MCUB: variants seen among roughly 807,000 people sequenced by gnomAD.
The protein encoded by MCUB is calcium uniporter regulatory subunit MCUb, mitochondrial.
MCUB carries 46 observed loss-of-function variants against 41.4 expected under a neutral mutation model. The observed-to-expected ratio is 1.11, with a 90% CI of 0.88 to 1.42. The LOEUF (loss-of-function observed/expected upper bound fraction) is 1.42. Among genes scored for constraint, MCUB ranks in the 40% most tolerant of loss-of-function variants. The probability of loss-of-function intolerance (pLI) is 0.00; values close to 1 mark genes in which losing one functional copy is unlikely to be tolerated. For missense variants in MCUB, 403 were observed against 404.9 expected (o/e 1.00, Z 0.04); for synonymous variants, 148 against 148.2 (o/e 1.00, Z 0.01).
At chr4:109,573,904 G>A (rs951601485) in intron 1 of MCUB, among the ~76,000 whole-genome samples, 53 of 129,358 alleles carry the variant, frequency 4.1e-4, no homozygotes, top group Non-Finnish European at 6.2e-4. Context: ...ACAGAGTTTC[G>A]CTCTGTTGCT....
At chr4:109,684,690 A>G (rs758565810) in intron 6 of MCUB, 44 bp downstream of exon 6, 1 of 923,582 alleles carries the variant, frequency 1.1e-6, no homozygotes. Context: ...ACATCTTTGC[A>G]AAGAATGTCT....
chr4:109,633,243 T>C (rs1351372604), intron 1 of MCUB, among the ~76,000 whole-genome samples: 1 of 152,182 alleles, frequency 6.6e-6, no homozygotes, highest in Non-Finnish European at 1.5e-5. Context: ...TGTATTTGGA[T>C]AGAACATAAT....
chr4:109,617,072 C>T (rs1728142044), intron 1 of MCUB, among the ~76,000 whole-genome samples: 1 of 152,190 alleles, frequency 6.6e-6, no homozygotes, highest in African/African-American at 2.4e-5. Context: ...TGTGATCTCT[C>T]TGCTTTGTAA....
At chr4:109,617,752 TAC>T (rs1248443085) in intron 1 of MCUB, among the ~76,000 whole-genome samples, 1 of 152,234 alleles carries the variant, frequency 6.6e-6, no homozygotes, top group African/African-American at 2.4e-5. Context: ...TAAATAATGT[TAC>T]AGTTAACATC....
chr4:109,635,508 A>G (rs909356813), intron 1 of MCUB, among the ~76,000 whole-genome samples: 3 of 152,204 alleles, frequency 2.0e-5, no homozygotes, highest in Non-Finnish European at 4.4e-5. Flanking sequence ...AGGCTAGGGT[A>G]GGAGGGCCAG....
intron 4 of MCUB, among the ~76,000 whole-genome samples, chr4:109,669,745 G>A (rs1368181092): frequency 6.7e-6 from 1 of 149,574 alleles, no homozygotes; most frequent in Non-Finnish European, 1.5e-5. Context: ...AGTTTTGAAA[G>A]TTTCTAATGA....
At chr4:109,622,196 TTATATG>T (rs1728262945) in intron 1 of MCUB, among the ~76,000 whole-genome samples, 1 of 152,176 alleles carries the variant, frequency 6.6e-6, no homozygotes, top group Non-Finnish European at 1.5e-5. Context: ...TTTTTAATAA[TTATATG>T]TATATGTTTC....
intron 1 of MCUB, among the ~76,000 whole-genome samples, chr4:109,641,294 C>T (rs534847748): frequency 6.8e-6 from 1 of 147,128 alleles, no homozygotes; most frequent in South Asian, 2.1e-4. Context: ...TTAGTAGAGA[C>T]GGGTTTTCAC....
chr4:109,661,194 T>A (rs1413563956), intron 3 of MCUB, among the ~76,000 whole-genome samples: 1 of 152,212 alleles, frequency 6.6e-6, no homozygotes, highest in Non-Finnish European at 1.5e-5. Flanking sequence ...ACAGCTTTCA[T>A]GTTCTCATAG....
chr4:109,648,239 G>A (rs1190914264), intron 1 of MCUB, among the ~76,000 whole-genome samples: 1 of 151,974 alleles, frequency 6.6e-6, no homozygotes, highest in Non-Finnish European at 1.5e-5. Flanking sequence ...AGAGAAGGAG[G>A]AAAATGCATT....
chr4:109,613,318 T>C (rs1728058839), intron 1 of MCUB, among the ~76,000 whole-genome samples: 1 of 152,172 alleles, frequency 6.6e-6, no homozygotes, highest in Non-Finnish European at 1.5e-5. Flanking sequence ...ATTTATTAGC[T>C]CAGTTTCTGT....
chr4:109,639,366 C>T (rs1022976922), intron 1 of MCUB, among the ~76,000 whole-genome samples: 64 of 150,704 alleles, frequency 4.2e-4, no homozygotes, highest in African/African-American at 1.2e-3. Flanking sequence ...TTTTTTTCCC[C>T]CTGAGCAGTA....
chr4:109,598,927 A>G (rs935299963), intron 1 of MCUB, among the ~76,000 whole-genome samples: 10 of 152,220 alleles, frequency 6.6e-5, no homozygotes, highest in Non-Finnish European at 1.3e-4. Flanking sequence ...GCTATTCTCT[A>G]TCAGCCAAAT....
intron 1 of MCUB, among the ~76,000 whole-genome samples, chr4:109,586,150 CT>C (rs1235362540): frequency 6.6e-6 from 1 of 152,138 alleles, no homozygotes; most frequent in Non-Finnish European, 1.5e-5. Context: ...TTGTTTATTT[CT>C]TTTTACACTT....
At position 109,618,952 on chromosome 4, in the gene MCUB, T is replaced by TTCTCTCTCTC. The variant is rs10557098; in HGVS notation, c.100-40031_100-40022dup. On this transcript the variant is annotated intron_variant, in intron 1 of 7. Transcript: ENST00000394650. ...TCAAGTTCATTATTGAACATTAAAC[T>TTCTCTCTCTC]TCTCTCTCTCTCTCTCTCTCTCTCT... Among the ~76,000 whole-genome samples the TTCTCTCTCTC allele has an allele frequency of 5.2e-3, 667 of 127,714 alleles. 6 individuals are homozygous for TTCTCTCTCTC. The highest frequency in any genetic ancestry group is 8.3e-3 in the African/African-American group (272 of 32,952). 83.8% of individuals were successfully genotyped at this position (127,714 alleles called of 152,430 possible). A position where few individuals can be genotyped will look rare whatever the true frequency, so the allele number is the denominator to read the frequency against.
chr4:109,560,362 T>C lies in MCUB; in HGVS notation c.25T>C (p.Trp9Arg). Residue 9 changes from tryptophan to arginine, a missense_variant, in exon 1 of 8, where the codon TGG becomes CGG. Transcript: ENST00000394650. ...GATGCTCCAGAGGGGCCTCTGGCCG[T>C]GGCGCACGCGGCTGCTGCCGACCCC... MLQRGLWPWRTRLLPTPGT... is the reference protein window; with the variant it reads MLQRGLWPRRTRLLPTPGT... 2 of 1,321,160 alleles carry C rather than the reference T, an allele frequency of 1.5e-6. No homozygotes were observed. Among genetic ancestry groups the C allele is most frequent in the Non-Finnish European group, 1.9e-6 (2 of 1,036,346 alleles). The allele number at this position is 1,321,160 out of a possible 1,614,324, so 81.8% of individuals were successfully genotyped here.
At chr4:109,597,625 CG>C (rs1375714713) in intron 1 of MCUB, among the ~76,000 whole-genome samples, 1 of 139,936 alleles carries the variant, frequency 7.1e-6, no homozygotes, top group African/African-American at 2.7e-5. Flanking sequence ...GGCAGCTGGC[CG>C]GGCGGGGGGC....
rs1729201267 is a variant in MCUB, at chr4:109,660,311, C to T, written c.292C>T (p.Gln98Ter). 6.2e-7 allele frequency: 1 copy of T among 1,607,832 alleles called. No individual in the cohort carries two copies. Among genetic ancestry groups the T allele is most frequent in the Non-Finnish European group, 8.5e-7 (1 of 1,174,484 alleles). ...GTTGTCAACAGTTGGTTCATTCCTTCAGGACCTACAAAATGAAGATAAGGG... is the reference window on the plus strand; with the variant it reads ...GTTGTCAACAGTTGGTTCATTCCTTTAGGACCTACAAAATGAAGATAAGGG... Reference protein sequence around the residue: ...PMLSTVGSFLQDLQNEDKGIK... With the variant: ...PMLSTVGSFL The change falls in exon 3 of 8, where the codon CAG (glutamine) becomes TAG (stop). Residue 98 changes from glutamine (Q) to a stop codon, truncating the protein, a stop_gained. Coordinates refer to ENST00000394650, the MANE Select transcript of MCUB (RefSeq NM_017918.5). LOFTEE classifies it high-confidence loss of function.
At chr4:109,593,448 T>C (rs1033150832) in intron 1 of MCUB, among the ~76,000 whole-genome samples, 33 of 152,228 alleles carry the variant, frequency 2.2e-4, no homozygotes, top group African/African-American at 7.7e-4. Context: ...TTTTCAAGCA[T>C]GTCTAAGACA....
Sources: gnomAD v4.1 joint callset for allele counts (sites outside exome capture counted in the v4.1 genomes callset) on GRCh38, gnomAD v4.1.1 for gene constraint, MANE v1.5 for transcripts, NCBI Gene and HGNC (gene_info 2026-07-23, HGNC 2026-07-21) for gene names.